Variants in MIA3 observed in about 807,000 individuals in gnomAD.
MIA3 encodes transport and Golgi organization protein 1 homolog.
MIA3 carries 90 observed loss-of-function variants against 192.4 expected under a neutral mutation model. That is an observed-to-expected ratio of 0.47 (90% CI 0.39 to 0.56). MIA3 has a LOEUF of 0.56. Ranked by LOEUF, MIA3 falls within the 20% of genes least tolerant of loss-of-function variation. The pLI is 0.00. For synonymous variants in MIA3, 740 were observed against 792.8 expected (o/e 0.93, Z 1.12); for missense variants, 2,123 against 2,269.4 (o/e 0.94, Z 1.31).
chr1:222,636,044 A>G (rs1469947449), intron 6 of MIA3, among the ~76,000 whole-genome samples: 1 of 152,230 alleles, frequency 6.6e-6, no homozygotes, highest in African/African-American at 2.4e-5. Context: ...GAAAATTTCA[A>G]ATATACAAAA....
intron 6 of MIA3, among the ~76,000 whole-genome samples, chr1:222,643,153 A>G (rs1241599154): frequency 2.1e-5 from 3 of 144,688 alleles, no homozygotes; most frequent in African/African-American, 5.2e-5. Flanking sequence ...CAGTCACTCA[A>G]TTTTTTCAAC....
At position 222,621,422 on chromosome 1, in the gene MIA3, A is replaced by C. The variant is rs576083801; in HGVS notation, c.267+130A>C. The stretch of plus-strand genomic sequence containing the variant: ...TTGTCCTCTCTGCCTGACTGTGAAA[A>C]AAGATGGCCCTGTGTCCCCAGCAGG... On this transcript the variant is annotated intron_variant, in intron 2 of 27. Coordinates refer to ENST00000344922, the MANE Select transcript of MIA3 (RefSeq NM_198551.4). 406 of 917,612 alleles carry C rather than the reference A, an allele frequency of 4.4e-4. 2 individuals are homozygous for C. The highest frequency in any genetic ancestry group is 1.7e-4 in the Non-Finnish European group (106 of 612,146). 56.8% of individuals were successfully genotyped at this position (917,612 alleles called of 1,614,324 possible). A position where few individuals can be genotyped will look rare whatever the true frequency, so the allele number is the denominator to read the frequency against.
At chr1:222,644,379 C>T (rs1472898701) in intron 6 of MIA3, 2 of 1,521,992 alleles carry the variant, frequency 1.3e-6, no homozygotes, top group Admixed American at 4.1e-5. Flanking sequence ...AGTCCGCCCC[C>T]TGAATTGGGG....
chr1:222,624,260 C>A (rs1479471258), intron 2 of MIA3, among the ~76,000 whole-genome samples: 3 of 152,162 alleles, frequency 2.0e-5, no homozygotes, highest in Non-Finnish European at 4.4e-5. Context: ...TCAAAACGTA[C>A]ACACACAAAC....
chr1:222,629,656 A>G lies in MIA3; in HGVS notation c.2436A>G (p.Lys812=). 1 of 1,614,166 alleles carries G rather than the reference A, an allele frequency of 6.2e-7. No homozygotes were observed. The highest frequency in any genetic ancestry group is 8.5e-7 in the Non-Finnish European group (1 of 1,180,028). The change falls in exon 4 of 28, where the codon AAA becomes AAG. Residue 812 remains lysine, a synonymous_variant. Transcript: ENST00000344922. ...GGGAACCAAATACAATGGTGGAAAA[A>G]GAACGCCCTCTGGCAGATAAGAAAG... is the stretch of plus-strand genomic sequence containing the variant. The part of the protein sequence containing the change: ...GGREPNTMVE[K]ERPLADKKAQ...
chr1:222,664,125 C>G lies in MIA3; in HGVS notation c.5390C>G (p.Pro1797Arg). The change falls in exon 27 of 28, where the codon CCT (proline) becomes CGT (arginine). Residue 1797 changes from proline to arginine, a missense_variant. Pro to Arg is a moderately radical substitution (Grantham distance 103, BLOSUM62 -2). Around this residue, in one of 3 missense-constraint regions of MIA3, gnomAD observed 762 missense variants for 856.4 expected, o/e 0.89. Transcript: ENST00000344922. ...PPPQLCGPFG[P>R]RPLPPPFGPG... ...CCTCAGCTCTGCGGACCTTTTGGGCCTCGGCCACTTCCTCCACCCTTTGGT... is the reference window on the plus strand; with the variant it reads ...CCTCAGCTCTGCGGACCTTTTGGGCGTCGGCCACTTCCTCCACCCTTTGGT... 1 of 1,614,178 alleles carries G rather than the reference C, an allele frequency of 6.2e-7. No homozygotes were observed. The highest frequency in any genetic ancestry group is 8.5e-7 in the Non-Finnish European group (1 of 1,180,022).
chr1:222,658,774 G>C lies in MIA3; in HGVS notation c.4660G>C (p.Ala1554Pro). ...GCAAGAAAGAGAGCACAGGCTGTCA[G>C]CTGCAGATGAAAAGGCAGTTTCGGC... ...ERQEREHRLS[A>P]ADEKAVSAAE... is the part of the protein sequence containing the mutation. Residue 1554 changes from alanine to proline, a missense_variant, in exon 19 of 28, where the codon GCT becomes CCT. By Grantham distance (27) the Ala-to-Pro change is conservative. Around this residue, in one of 3 missense-constraint regions of MIA3, gnomAD observed 762 missense variants for 856.4 expected, o/e 0.89. Transcript: ENST00000344922. 6.2e-7 allele frequency: 1 copy of C among 1,613,372 alleles called. No homozygotes were observed. Among genetic ancestry groups the C allele is most frequent in the Non-Finnish European group, 8.5e-7 (1 of 1,179,598 alleles).
chr1:222,628,535 A>G lies in MIA3; in HGVS notation c.1315A>G (p.Asn439Asp), dbSNP rs1251954336. 1.2e-6 allele frequency: 2 copies of G among 1,614,216 alleles called. No homozygotes were observed. The highest frequency in any genetic ancestry group is 1.7e-6 in the Non-Finnish European group (2 of 1,180,040). Reference sequence around the variant, plus strand: ...AGCAACAGATTATAGTGACCCTGACAATGTAGATGATGGTCTTTTTATTGT... The same window carrying G: ...AGCAACAGATTATAGTGACCCTGACGATGTAGATGATGGTCTTTTTATTGT... ...QSATDYSDPD[N>D]VDDGLFIVDI... The change falls in exon 4 of 28, where the codon AAT becomes GAT. Residue 439 changes from asparagine (N) to aspartate (D), a missense_variant. By Grantham distance (23) the Asn-to-Asp change is conservative. This residue lies in a region of MIA3 where 1,357 missense variants were observed against 1,396.1 expected (regional missense o/e 0.97). Transcript: ENST00000344922.
rs1400742337 is a variant in MIA3, at chr1:222,664,115, C to T, written c.5380C>T (p.Pro1794Ser). The T allele has an allele frequency of 6.2e-7, 1 of 1,614,188 alleles. No individual in the cohort carries two copies. The highest frequency in any genetic ancestry group is 2.2e-5 in the East Asian group (1 of 44,884). ...TGGACCACCACCTCAGCTCTGCGGA[C>T]CTTTTGGGCCTCGGCCACTTCCTCC... Reference protein sequence around the residue: ...RYGPPPQLCGPFGPRPLPPPF... With the variant: ...RYGPPPQLCGSFGPRPLPPPF... The change falls in exon 27 of 28, where the codon CCT becomes TCT. Residue 1794 changes from proline to serine, a missense_variant. Around this residue, in one of 3 missense-constraint regions of MIA3, gnomAD observed 762 missense variants for 856.4 expected, o/e 0.89. Coordinates refer to ENST00000344922, the MANE Select transcript of MIA3 (RefSeq NM_198551.4).
At position 222,664,232 on chromosome 1, in the gene MIA3, C is replaced by T. The variant is rs1158874372; in HGVS notation, c.5413+84C>T. The T allele has an allele frequency of 1.9e-5, 28 of 1,450,570 alleles. 1 individual carries two copies. The highest frequency in any genetic ancestry group is 1.8e-4 in the Middle Eastern group (1 of 5,654). 89.9% of individuals were successfully genotyped at this position (1,450,570 alleles called of 1,614,324 possible). A position where few individuals can be genotyped will look rare whatever the true frequency, so the allele number is the denominator to read the frequency against. ...TCCCTTGCTAAAACAACTGCAATTGCGGGGCTTTGCAATGCAGCAGTGAAG... is the reference window on the plus strand; with the variant it reads ...TCCCTTGCTAAAACAACTGCAATTGTGGGGCTTTGCAATGCAGCAGTGAAG... On this transcript the variant is annotated intron_variant, in intron 27 of 27. Transcript: ENST00000344922.
At chr1:222,658,659 T>A (rs1663853158) in intron 18 of MIA3, 63 bp from the exon 19 acceptor site, 1 of 1,097,506 alleles carries the variant, frequency 9.1e-7, no homozygotes, top group African/African-American at 1.6e-5. Context: ...TTTATTGGAG[T>A]ATTCAGACAG....
intron 6 of MIA3, among the ~76,000 whole-genome samples, chr1:222,634,898 A>G (rs1018910049): frequency 6.6e-6 from 1 of 152,268 alleles, no homozygotes; most frequent in Admixed American, 6.5e-5. Context: ...TCTCATCTGA[A>G]AAATTTAGAT....
chr1:222,627,979 G>C lies in MIA3; in HGVS notation c.759G>C (p.Gln253His), dbSNP rs774728470. ...SENNKTSNSS[Q>H]VSNEQDKIDA... is the part of the protein sequence containing the mutation. Reference sequence around the variant, plus strand: ...ACAACAAAACCAGCAATAGTTCTCAGGTCTCAAATGAACAGGATAAGATTG... The same window carrying C: ...ACAACAAAACCAGCAATAGTTCTCACGTCTCAAATGAACAGGATAAGATTG... Residue 253 changes from glutamine to histidine, a missense_variant, in exon 4 of 28, where the codon CAG becomes CAC. By Grantham distance (24) the Gln-to-His change is conservative. Transcript: ENST00000344922. 1.9e-6 allele frequency: 3 copies of C among 1,614,074 alleles called. No individual in the cohort carries two copies. In the Admixed American group the frequency reaches 5.0e-5, roughly 27 times the overall value.
rs1662036033 is a variant in MIA3 at position 222,624,825 on chromosome 1, A to G, written c.325A>G (p.Thr109Ala). The change falls in exon 3 of 28, where the codon ACC (threonine) becomes GCC (alanine). Residue 109 changes from threonine to alanine, a missense_variant. By Grantham distance (58) the Thr-to-Ala change is moderately conservative. This residue lies in a region of MIA3 where 1,357 missense variants were observed against 1,396.1 expected (regional missense o/e 0.97). Transcript: ENST00000344922. ...KDLIQVVHEYTKEELQVPTDE... is the reference protein window; with the variant it reads ...KDLIQVVHEYAKEELQVPTDE... ...TTTAATCCAGGTAGTTCATGAATATACCAAAGAAGAGCTACAAGTTCCAAC... is the reference window on the plus strand; with the variant it reads ...TTTAATCCAGGTAGTTCATGAATATGCCAAAGAAGAGCTACAAGTTCCAAC... 9.4e-6 allele frequency: 15 copies of G among 1,599,846 alleles called. No homozygotes were observed. Among genetic ancestry groups the G allele is most frequent in the Non-Finnish European group, 1.3e-5 (15 of 1,168,198 alleles).
chr1:222,653,977 A>G (rs567362483), intron 15 of MIA3, among the ~76,000 whole-genome samples: 2 of 152,332 alleles, frequency 1.3e-5, no homozygotes, highest in Admixed American at 1.3e-4. Context: ...TAAGACACTA[A>G]GCCCAGATGG....
At position 222,629,806 on chromosome 1, in the gene MIA3, G is replaced by A. The variant is rs1483973637; in HGVS notation, c.2586G>A (p.Leu862=). 1 of 1,614,052 alleles carries A rather than the reference G, an allele frequency of 6.2e-7. No homozygotes were observed. Among genetic ancestry groups the A allele is most frequent in the Non-Finnish European group, 8.5e-7 (1 of 1,179,938 alleles). The part of the protein sequence containing the change: ...YLKNDNPEEH[L]KTSGLAGEPE... ...AGAACGACAACCCTGAGGAACATCT[G>A]AAGACCTCAGGGCTTGCAGGGGAGC... is the stretch of plus-strand genomic sequence containing the variant. The change falls in exon 4 of 28, where the codon CTG becomes CTA. Residue 862 remains leucine (L), a synonymous_variant. Coordinates refer to ENST00000344922, the MANE Select transcript of MIA3 (RefSeq NM_198551.4).
intron 4 of MIA3, 29 bp from the exon 5 acceptor site, chr1:222,632,136 G>T: frequency 6.2e-7 from 1 of 1,608,854 alleles, no homozygotes; most frequent in Non-Finnish European, 8.5e-7. Context: ...ATCAAGCTGT[G>T]CTAGCCCAGT....
At position 222,628,368 on chromosome 1, in the gene MIA3, G is replaced by C; in HGVS notation, c.1148G>C (p.Trp383Ser). ...GATGATAAAAATATACTAACAACCT[G>C]GGGGGACACTATCTTCTCTATTGTC... ...KNDDKNILTT[W>S]GDTIFSIVTG... Residue 383 changes from tryptophan (W) to serine (S), a missense_variant, in exon 4 of 28, where the codon TGG (tryptophan) becomes TCG (serine). Physicochemically the swap from Trp to Ser is radical, Grantham distance 177 (BLOSUM62 -3). This residue lies in a region of MIA3 where 1,357 missense variants were observed against 1,396.1 expected (regional missense o/e 0.97). Transcript: ENST00000344922. The C allele has an allele frequency of 6.2e-7, 1 of 1,613,938 alleles. No individual in the cohort carries two copies. The highest frequency in any genetic ancestry group is 8.5e-7 in the Non-Finnish European group (1 of 1,179,946).
intron 7 of MIA3, among the ~76,000 whole-genome samples, chr1:222,646,516 C>T (rs539857964): frequency 7.9e-5 from 12 of 152,010 alleles, no homozygotes; most frequent in South Asian, 4.2e-4. Flanking sequence ...CTTTGGGAGG[C>T]GGAGGCGGGT....
Sources: gnomAD v4.1 joint callset for allele counts (sites outside exome capture counted in the v4.1 genomes callset) on GRCh38, gnomAD v4.1.1 for gene constraint, gnomAD v4.1.1 regional missense constraint, MANE v1.5 for transcripts, NCBI Gene and HGNC (gene_info 2026-07-23, HGNC 2026-07-21) for gene names.